Variants in SPATA21 observed in about 807,000 individuals in gnomAD.
SPATA21 encodes the protein spermatogenesis associated 21.
A neutral mutation model predicts 54.8 loss-of-function variants in SPATA21; 47 were observed. The ratio of observed to expected loss-of-function variants is 0.86; its 90% CI spans 0.68 to 1.09. The LOEUF is 1.09. Ranked by LOEUF, SPATA21 falls within the 50% of genes least tolerant of loss-of-function variation. SPATA21 has a pLI of 0.00. For synonymous variants in SPATA21, 245 were observed against 235.3 expected, an observed-to-expected ratio of 1.04 and a Z score of -0.38; for missense variants, 599 against 596.4, an observed-to-expected ratio of 1.00 and a Z score of -0.05.
At position 16,409,473 on chromosome 1, in the gene SPATA21, G is replaced by T; in HGVS notation, c.587+128C>A. The T allele has an allele frequency of 9.8e-7, 1 of 1,019,810 alleles. No individual in the cohort carries two copies. The allele number at this position is 1,019,810 out of a possible 1,614,324, so 63.2% of individuals were successfully genotyped here. A position where few individuals can be genotyped will look rare whatever the true frequency, so the allele number is the denominator to read the frequency against. ...TGGGAGATGCGGAGAGGAGACACAT[G>T]AGGAGAAATGGAGAGAGGGGGACAC... On this transcript the variant is annotated intron_variant, in intron 6 of 12. Coordinates refer to ENST00000335496, the MANE Select transcript of SPATA21 (RefSeq NM_198546.1). This position sits in a 1 kb window ranked among gnomAD's most constrained non-coding sequence, Gnocchi z 4.1.
At chr1:16,398,053 C>T, downstream of SPATA21, 1 of 887,236 alleles carries the variant, frequency 1.1e-6, no homozygotes, top group Non-Finnish European at 1.4e-6. Context: ...CGGGCAGCTG[C>T]CCACTCCCAC....
At position 16,421,434 on chromosome 1, in the gene SPATA21, C is replaced by T; in HGVS notation, c.144+75G>A. 3 of 1,420,354 alleles carry T rather than the reference C, an allele frequency of 2.1e-6. No homozygotes were observed. The highest frequency in any genetic ancestry group is 4.9e-5 in the East Asian group (2 of 40,472). The allele number at this position is 1,420,354 out of a possible 1,614,324, so 88.0% of individuals were successfully genotyped here. A position where few individuals can be genotyped will look rare whatever the true frequency, so the allele number is the denominator to read the frequency against. ...GTTTGACGTGCCACATCCGCTTCTG[C>T]CCTCTTCCTCCTCCTGATCCCCCCT... On this transcript the variant is annotated intron_variant, in intron 5 of 12. Transcript: ENST00000335496. This position sits in a 1 kb window ranked among gnomAD's most constrained non-coding sequence, Gnocchi z 5.2.
chr1:16,435,271 T>C (rs746494433), intron 1 of SPATA21, among the ~76,000 whole-genome samples: 4 of 152,164 alleles, frequency 2.6e-5, no homozygotes, highest in African/African-American at 4.8e-5. Flanking sequence ...TTCATGTGCT[T>C]ATTGGCCATT....
intron 5 of SPATA21, among the ~76,000 whole-genome samples, chr1:16,413,035 G>T (rs1249040693): frequency 6.6e-6 from 1 of 152,148 alleles, no homozygotes; most frequent in African/African-American, 2.4e-5. Context: ...GCCCGCCTTG[G>T]CCTCCCAAAG....
intron 7 of SPATA21, among the ~76,000 whole-genome samples, chr1:16,407,158 GA>G (rs1056279103): frequency 6.6e-6 from 1 of 152,216 alleles, no homozygotes; most frequent in African/African-American, 2.4e-5. Flanking sequence ...GAATGGTAGG[GA>G]AGAGGTGGGG....
At chr1:16,406,720 T>C (rs555038720) in intron 7 of SPATA21, among the ~76,000 whole-genome samples, 2 of 152,270 alleles carry the variant, frequency 1.3e-5, no homozygotes, top group South Asian at 4.1e-4. Flanking sequence ...CCAGCCTGGG[T>C]GACAGAACAA....
Position 16,421,937 on chromosome 1 carries a change from C to T in SPATA21, c.69G>A (p.Thr23=), listed in dbSNP as rs114456729. The stretch of plus-strand genomic sequence containing the variant: ...CTCCTTTTGCTTTTTTAGGTCCAGG[C>T]GTGGATGGCAGGAAGGGGTTGACTG... ...EKTVNPFLPS[T]PGPKKAKGGG... is the part of the protein sequence containing the mutation. Residue 23 remains threonine (T), a synonymous_variant, in exon 4 of 13, where the codon ACG becomes ACA. Transcript: ENST00000335496. The surrounding 1 kb of genome is among the most constrained non-coding windows in gnomAD (Gnocchi z 5.2). 97,989 of 1,614,100 alleles carry T rather than the reference C, an allele frequency of 0.061. 3,464 individuals carry two copies. Among genetic ancestry groups the T allele is most frequent in the Non-Finnish European group, 0.07 (83,152 of 1,179,988 alleles).
intron 11 of SPATA21, 35 bp downstream of exon 11, chr1:16,400,685 A>G (rs1410650670): frequency 1.3e-6 from 2 of 1,587,934 alleles, no homozygotes; most frequent in South Asian, 2.3e-5. Flanking sequence ...CAAAGCCCCA[A>G]CCCTAGCCCA....
At chr1:16,405,706 C>T (rs955832726) in intron 7 of SPATA21, among the ~76,000 whole-genome samples, 7 of 152,188 alleles carry the variant, frequency 4.6e-5, no homozygotes, top group African/African-American at 1.7e-4. Flanking sequence ...CCTGACACCA[C>T]ACAGTCTGAC....
intron 5 of SPATA21, among the ~76,000 whole-genome samples, chr1:16,416,673 T>C (rs1226463226): frequency 8.9e-6 from 1 of 112,370 alleles, no homozygotes; most frequent in Non-Finnish European, 1.9e-5. Flanking sequence ...AGAGAGAGAC[T>C]CCATCTCAAA....
chr1:16,399,600 C>T, intron 11 of SPATA21, 79 bp from the exon 12 acceptor site: 1 of 1,478,404 alleles, frequency 6.8e-7, no homozygotes, highest in Non-Finnish European at 9.1e-7. Flanking sequence ...AAGTGAAATC[C>T]TGGCGTTGCT....
intron 11 of SPATA21, among the ~76,000 whole-genome samples, chr1:16,399,760 A>G (rs932931161): frequency 2.0e-5 from 3 of 152,252 alleles, no homozygotes; most frequent in Non-Finnish European, 2.9e-5. Flanking sequence ...TGCACACAGA[A>G]TAAGAGCTGG....
chr1:16,433,209 C>T lies in SPATA21; in HGVS notation c.-186-285G>A, dbSNP rs74609121. Among the ~76,000 whole-genome samples the T allele has an allele frequency of 1.9e-3, 282 of 152,358 alleles. 2 individuals are homozygous for T. Among genetic ancestry groups the T allele is most frequent in the African/African-American group, 6.2e-3 (259 of 41,582 alleles). On this transcript the variant is annotated intron_variant, in intron 1 of 12. Transcript: ENST00000335496. ...CAGTTTACCAGGGACACAGAGGAGG[C>T]GCACTTAATAGCTGCTGACCCAAGT...
chr1:16,424,257 G>A (rs1196318023), intron 3 of SPATA21, among the ~76,000 whole-genome samples: 9 of 12,806 alleles, frequency 7.0e-4, no homozygotes, highest in African/African-American at 9.9e-4. Flanking sequence ...AGCTTGCAGT[G>A]AGCCGAGATT....
At position 16,409,265 on chromosome 1, in the gene SPATA21, G is replaced by A. The variant is rs1048937738; in HGVS notation, c.588-62C>T. On this transcript the variant is annotated intron_variant, in intron 6 of 12. Transcript: ENST00000335496. This position sits in a 1 kb window ranked among gnomAD's most constrained non-coding sequence, Gnocchi z 4.1. ...GGCCGCCCACCCTGCTGATAGCTAG[G>A]GGAGGGGTTGGGGGAGCCTGCAGGA... 6.9e-6 allele frequency: 11 copies of A among 1,587,102 alleles called. No individual in the cohort carries two copies. Among genetic ancestry groups the A allele is most frequent in the Admixed American group, 3.4e-5 (2 of 59,144 alleles).
chr1:16,411,152 T>A (rs1359884723), intron 5 of SPATA21, among the ~76,000 whole-genome samples: 1 of 152,110 alleles, frequency 6.6e-6, no homozygotes, highest in East Asian at 1.9e-4. Context: ...CCCCACCAGA[T>A]TACTCCTATC....
At chr1:16,425,901 A>G (rs571431457) in intron 3 of SPATA21, among the ~76,000 whole-genome samples, 14 of 152,118 alleles carry the variant, frequency 9.2e-5, no homozygotes, top group Admixed American at 3.3e-4. Context: ...TGTTTGGGGG[A>G]GTTAAAATTT....
At chr1:16,418,863 C>T (rs2086091606) in intron 5 of SPATA21, among the ~76,000 whole-genome samples, 1 of 152,190 alleles carries the variant, frequency 6.6e-6, no homozygotes, top group Non-Finnish European at 1.5e-5. Flanking sequence ...TCTCATCTGA[C>T]TTCTCACTAG....
intron 7 of SPATA21, chr1:16,408,468 G>A (rs1043844786): frequency 2.0e-6 from 2 of 985,354 alleles, no homozygotes; most frequent in African/African-American, 1.7e-5. Context: ...AGCAGGCTTG[G>A]GTTAAGGGAA....
Sources: gnomAD v4.1 joint callset for allele counts (sites outside exome capture counted in the v4.1 genomes callset) on GRCh38, gnomAD v4.1.1 for gene constraint, Gnocchi (gnomAD v3.1) non-coding constraint, MANE v1.5 for transcripts, NCBI Gene and HGNC (gene_info 2026-07-23, HGNC 2026-07-21) for gene names.